The following ARHGAP44 variants were observed in gnomAD, a reference collection of about 807,000 sequenced individuals.
The protein encoded by ARHGAP44 is rho GTPase-activating protein 44.
Under a neutral mutation model 106.8 loss-of-function variants are expected in ARHGAP44, and 43 were observed. The observed-to-expected ratio is 0.40, with a 90% CI of 0.32 to 0.52. The LOEUF is 0.52. Ranked by LOEUF, ARHGAP44 falls within the 20% of genes least tolerant of loss-of-function variation. The pLI, the probability that ARHGAP44 is intolerant of heterozygous loss-of-function variation, is 0.48. For synonymous variants in ARHGAP44, 439 were observed against 410.3 expected, an observed-to-expected ratio of 1.07 and a Z score of -0.85; for missense variants, 866 against 1,050.5, an observed-to-expected ratio of 0.82 and a Z score of 2.43.
At chr17:12,917,741 G>T (rs989940035) in intron 5 of ARHGAP44, among the ~76,000 whole-genome samples, 1 of 152,196 alleles carries the variant, frequency 6.6e-6, no homozygotes, top group South Asian at 2.1e-4. Context: ...AATCTGTGCC[G>T]TTTGATAGCC....
rs1301607379 is a variant in ARHGAP44 at position 12,954,078 on chromosome 17, A to G, written c.1136+1497A>G. Among the ~76,000 whole-genome samples, 20 of 123,006 alleles carry G rather than the reference A, an allele frequency of 1.6e-4. 1 individual carries two copies. The South Asian group carries it at 3.5e-3, about 21-fold the overall frequency. 80.7% of individuals were successfully genotyped at this position (123,006 alleles called of 152,430 possible). ...AATTTTTGTGTTTTTTTTTTTTTTT[A>G]GTAGAGACGGGGTTTCACCATGTTA... On this transcript the variant is annotated intron_variant, in intron 13 of 20. Transcript: ENST00000379672.
intron 1 of ARHGAP44, among the ~76,000 whole-genome samples, chr17:12,835,191 G>A (rs1453162635): frequency 2.0e-5 from 3 of 152,122 alleles, no homozygotes; most frequent in Non-Finnish European, 1.5e-5. Flanking sequence ...TTGGGGAAAG[G>A]TTTTCAACTA....
Position 12,814,488 on chromosome 17 carries a change from G to T in ARHGAP44, c.53+24597G>T, listed in dbSNP as rs978574592. On this transcript the variant is annotated intron_variant, in intron 1 of 20. Coordinates refer to ENST00000379672, the MANE Select transcript of ARHGAP44 (RefSeq NM_014859.6). ...ACTCCTGACCTCAGGTGATCTGCCCGCCTCGGCCTCCCGAAGTGCTGGGAT... is the reference window on the plus strand; with the variant it reads ...ACTCCTGACCTCAGGTGATCTGCCCTCCTCGGCCTCCCGAAGTGCTGGGAT... Among the ~76,000 whole-genome samples, 36 of 151,180 alleles carry T rather than the reference G, an allele frequency of 2.4e-4. 1 individual carries two copies. Among genetic ancestry groups the T allele is most frequent in the African/African-American group, 7.0e-4 (29 of 41,154 alleles).
intron 8 of ARHGAP44, among the ~76,000 whole-genome samples, chr17:12,941,565 T>A (rs374459394): frequency 1.3e-5 from 2 of 152,186 alleles, no homozygotes; most frequent in South Asian, 4.1e-4. Context: ...TAAGAAACTG[T>A]GGTCTGTGCT....
At chr17:12,877,003 C>T (rs1346733654) in intron 1 of ARHGAP44, among the ~76,000 whole-genome samples, 1 of 151,512 alleles carries the variant, frequency 6.6e-6, no homozygotes, top group East Asian at 1.9e-4. Flanking sequence ...TAGAAAGGGA[C>T]CAATAGTTGC....
chr17:12,943,529 C>G, intron 8 of ARHGAP44, 59 bp from the exon 9 acceptor site: 2 of 1,546,532 alleles, frequency 1.3e-6, no homozygotes, highest in Non-Finnish European at 1.8e-6. Context: ...CTTTGCATGC[C>G]ATGGCAGCCT....
intron 1 of ARHGAP44, among the ~76,000 whole-genome samples, chr17:12,874,010 G>T (rs1224733212): frequency 6.6e-6 from 1 of 152,178 alleles, no homozygotes; most frequent in African/African-American, 2.4e-5. Context: ...GACAGAGTTT[G>T]TTTCTGTTGA....
At chr17:12,804,435 A>C (rs1450756305) in intron 1 of ARHGAP44, among the ~76,000 whole-genome samples, 3 of 152,192 alleles carry the variant, frequency 2.0e-5, no homozygotes, top group African/African-American at 7.2e-5. Flanking sequence ...CGCCTAAGTC[A>C]GGAGACCTTC....
chr17:12,911,259 G>C (rs1045549218), intron 4 of ARHGAP44, among the ~76,000 whole-genome samples: 2 of 152,062 alleles, frequency 1.3e-5, no homozygotes, highest in Non-Finnish European at 2.9e-5. Flanking sequence ...TGGAAATAAA[G>C]ATGACAGATT....
intron 1 of ARHGAP44, among the ~76,000 whole-genome samples, chr17:12,831,286 T>A (rs1308970193): frequency 6.6e-6 from 1 of 152,244 alleles, no homozygotes. Context: ...GACACCATGC[T>A]GTTCACCTGT....
chr17:12,959,184 A>G, intron 16 of ARHGAP44: 1 of 402,960 alleles, frequency 2.5e-6, no homozygotes, highest in Non-Finnish European at 4.6e-6. Context: ...CAATTAAAAA[A>G]AATACATACG....
intron 17 of ARHGAP44, 95 bp downstream of exon 17, chr17:12,973,414 C>T (rs767393561): frequency 1.1e-5 from 15 of 1,344,306 alleles, no homozygotes; most frequent in South Asian, 7.7e-5. Context: ...GTGAATGCGC[C>T]GCGTCTGGTT....
At chr17:12,970,643 T>G (rs184665177) in intron 16 of ARHGAP44, among the ~76,000 whole-genome samples, 1 of 152,362 alleles carries the variant, frequency 6.6e-6, no homozygotes, top group Admixed American at 6.5e-5. Context: ...TAGGTATCCA[T>G]GCAGGGATGT....
chr17:12,955,758 T>G, intron 13 of ARHGAP44, 109 bp from the exon 14 acceptor site: 1 of 641,202 alleles, frequency 1.6e-6, no homozygotes, highest in Non-Finnish European at 2.8e-6. Context: ...GGTGCACGAG[T>G]CTCCTAGTCA....
intron 6 of ARHGAP44, among the ~76,000 whole-genome samples, chr17:12,924,641 G>A (rs1439655661): frequency 1.3e-5 from 2 of 152,122 alleles, no homozygotes; most frequent in African/African-American, 4.8e-5. Context: ...GGTTCTTTAG[G>A]AGAACCTTAT....
intron 16 of ARHGAP44, among the ~76,000 whole-genome samples, chr17:12,959,489 A>G (rs925150342): frequency 1.3e-5 from 2 of 152,326 alleles, no homozygotes; most frequent in Non-Finnish European, 2.9e-5. Context: ...CTCAGCAACA[A>G]CCCTGTCCAC....
intron 1 of ARHGAP44, among the ~76,000 whole-genome samples, chr17:12,812,067 G>A (rs535236213): frequency 5.1e-4 from 77 of 152,156 alleles, no homozygotes; most frequent in Non-Finnish European, 1.0e-3. Context: ...ATTCAACAAA[G>A]AGTATTTTTT....
At chr17:12,886,394 A>G (rs928261644) in intron 1 of ARHGAP44, among the ~76,000 whole-genome samples, 1 of 152,174 alleles carries the variant, frequency 6.6e-6, no homozygotes, top group African/African-American at 2.4e-5. Context: ...GATTGCATTT[A>G]ATCTGTGATC....
intron 1 of ARHGAP44, among the ~76,000 whole-genome samples, chr17:12,795,390 C>T (rs1270218532): frequency 6.6e-6 from 1 of 152,204 alleles, no homozygotes; most frequent in Non-Finnish European, 1.5e-5. Flanking sequence ...TGTCAGCAGT[C>T]AGCCTGAAGC....
Sources: gnomAD v4.1 joint callset for allele counts (sites outside exome capture counted in the v4.1 genomes callset) on GRCh38, gnomAD v4.1.1 for gene constraint, MANE v1.5 for transcripts, NCBI Gene and HGNC (gene_info 2026-07-23, HGNC 2026-07-21) for gene names.